Variants in EPHB1 observed in about 807,000 individuals in gnomAD.
EPHB1 encodes EPH receptor B1.
A neutral mutation model predicts 94.4 loss-of-function variants in EPHB1; 30 were observed. The ratio of observed to expected loss-of-function variants is 0.32; its 90% CI spans 0.24 to 0.43. The LOEUF is 0.43. Among genes scored for constraint, EPHB1 ranks in the 20% least tolerant of loss-of-function variants. The probability of loss-of-function intolerance (pLI) is 1.00; values close to 1 mark genes in which losing one functional copy is unlikely to be tolerated. For synonymous variants in EPHB1, 522 were observed against 489.1 expected (o/e 1.07, Z -0.89); for missense variants, 1,055 against 1,308.3 (o/e 0.81, Z 2.99).
At chr3:135,131,370 C>T (rs1940409037) in intron 4 of EPHB1, among the ~76,000 whole-genome samples, 1 of 152,208 alleles carries the variant, frequency 6.6e-6, no homozygotes, top group Non-Finnish European at 1.5e-5. Context: ...GTTATTCCCT[C>T]ATTTTTTGTG....
chr3:135,181,893 T>A (rs1023555174), intron 10 of EPHB1, among the ~76,000 whole-genome samples: 1 of 152,200 alleles, frequency 6.6e-6, no homozygotes, highest in Non-Finnish European at 1.5e-5. Flanking sequence ...TCTCCATGAC[T>A]CATGTGATAT....
At chr3:134,836,454 G>A (rs1327829403) in intron 1 of EPHB1, among the ~76,000 whole-genome samples, 1 of 152,118 alleles carries the variant, frequency 6.6e-6, no homozygotes, top group East Asian at 1.9e-4. Flanking sequence ...GCAAATTGAA[G>A]CAGATATTTA....
chr3:135,063,607 T>C (rs1434530275), intron 3 of EPHB1, among the ~76,000 whole-genome samples: 1 of 152,188 alleles, frequency 6.6e-6, no homozygotes, highest in Non-Finnish European at 1.5e-5. Context: ...TTCAGGGTTT[T>C]TGAGGTAAAT....
At chr3:134,811,242 G>GT (rs397966930) in intron 1 of EPHB1, among the ~76,000 whole-genome samples, 1,334 of 73,824 alleles carry the variant, frequency 0.018, 124 homozygotes, top group African/African-American at 0.028. Context: ...TACTAAGAAG[G>GT]TTTTTTTTTT....
At chr3:134,839,161 A>G (rs73229141) in intron 1 of EPHB1, among the ~76,000 whole-genome samples, 6,877 of 152,252 alleles carry the variant, frequency 0.045, 189 homozygotes, top group Middle Eastern at 0.068. Context: ...GGAAATCCAC[A>G]TGGTCAGGAT....
At chr3:135,157,625 G>T (rs1486086841) in intron 6 of EPHB1, among the ~76,000 whole-genome samples, 1 of 152,214 alleles carries the variant, frequency 6.6e-6, no homozygotes, top group Non-Finnish European at 1.5e-5. Context: ...AACAGAGAAG[G>T]TTCTTTGGGC....
At position 135,260,400 on chromosome 3, in the gene EPHB1, C is replaced by G; in HGVS notation, c.*1280C>G. 4.4e-6 allele frequency: 1 copy of G among 229,028 alleles called. No homozygotes were observed. Among genetic ancestry groups the G allele is most frequent in the Non-Finnish European group, 8.7e-6 (1 of 115,208 alleles). The allele number at this position is 229,028 out of a possible 1,614,324, so 14.2% of individuals were successfully genotyped here. A position where few individuals can be genotyped will look rare whatever the true frequency, so the allele number is the denominator to read the frequency against. On this transcript the variant is annotated 3_prime_UTR_variant, in exon 16 of 16. Transcript: ENST00000398015. ...AATTATTTTAAATTTCTCCTTTTAC[C>G]TTAATCTCCTTGCTAATTTTATCTG... is the stretch of plus-strand genomic sequence containing the variant.
At chr3:135,167,121 C>T in intron 9 of EPHB1, 115 bp downstream of exon 9, 1 of 1,249,766 alleles carries the variant, frequency 8.0e-7, no homozygotes, top group Non-Finnish European at 1.2e-6. Context: ...CAAGTTCTCT[C>T]TCAGCCCCCA....
Position 134,935,880 on chromosome 3 carries a change from T to G in EPHB1, c.123+10000T>G, listed in dbSNP as rs111780219. The stretch of plus-strand genomic sequence containing the variant: ...CACGATTAATTACATACCAACTGTG[T>G]GCCAGGCATCAAGCTTTACTTGTAT... On this transcript the variant is annotated intron_variant, in intron 2 of 15. Coordinates refer to ENST00000398015, the MANE Select transcript of EPHB1 (RefSeq NM_004441.5). Among the ~76,000 whole-genome samples, 1,376 of 152,328 alleles carry G rather than the reference T, an allele frequency of 9.0e-3. 26 individuals are homozygous for G. Among genetic ancestry groups the G allele is most frequent in the African/African-American group, 0.031 (1,299 of 41,562 alleles).
chr3:135,136,526 G>A (rs1192592706), intron 5 of EPHB1, among the ~76,000 whole-genome samples: 2 of 152,176 alleles, frequency 1.3e-5, no homozygotes, highest in Non-Finnish European at 2.9e-5. Flanking sequence ...TGGGTCAGAT[G>A]AAGAAACTTA....
intron 1 of EPHB1, among the ~76,000 whole-genome samples, chr3:134,844,711 TC>T (rs1050916289): frequency 5.3e-5 from 8 of 152,218 alleles, no homozygotes; most frequent in African/African-American, 1.9e-4. Context: ...CTATTCTTAC[TC>T]AAACTCCCGT....
At chr3:135,060,667 G>A (rs1044543787) in intron 3 of EPHB1, among the ~76,000 whole-genome samples, 3 of 151,976 alleles carry the variant, frequency 2.0e-5, no homozygotes, top group Non-Finnish European at 4.4e-5. Flanking sequence ...TGGGTACATA[G>A]TAGGTGTATT....
chr3:135,030,566 A>G (rs1338272556), intron 3 of EPHB1, among the ~76,000 whole-genome samples: 8 of 152,188 alleles, frequency 5.3e-5, no homozygotes, highest in Non-Finnish European at 5.9e-5. Context: ...CCACTTGAGG[A>G]GGCAGTCTGC....
intron 13 of EPHB1, among the ~76,000 whole-genome samples, chr3:135,242,520 C>T (rs1035938364): frequency 3.3e-5 from 5 of 152,138 alleles, no homozygotes; most frequent in Admixed American, 1.3e-4. Context: ...TGGGGTACTT[C>T]TATGACAGTA....
intron 3 of EPHB1, among the ~76,000 whole-genome samples, chr3:134,967,721 T>C (rs1271839930): frequency 6.6e-6 from 1 of 152,182 alleles, no homozygotes; most frequent in East Asian, 1.9e-4. Flanking sequence ...TCTTTATTAA[T>C]TACCTAGTCT....
intron 15 of EPHB1, among the ~76,000 whole-genome samples, chr3:135,253,203 G>A (rs1218803439): frequency 6.6e-6 from 1 of 150,564 alleles, no homozygotes; most frequent in Non-Finnish European, 1.5e-5. Flanking sequence ...CTGTGCAGAA[G>A]CTCTTGAGTT....
chr3:135,104,161 G>A (rs1321813698), intron 3 of EPHB1, among the ~76,000 whole-genome samples: 3 of 152,222 alleles, frequency 2.0e-5, no homozygotes, highest in Non-Finnish European at 4.4e-5. Context: ...GCACAGGCCT[G>A]GGATTTGTCT....
intron 3 of EPHB1, among the ~76,000 whole-genome samples, chr3:135,056,393 C>T (rs1559812499): frequency 6.6e-6 from 1 of 152,256 alleles, no homozygotes; most frequent in South Asian, 2.1e-4. Flanking sequence ...CCGTGCTGGG[C>T]TCTCTTGGGA....
At chr3:135,117,962 G>C (rs182596614) in intron 4 of EPHB1, among the ~76,000 whole-genome samples, 1 of 152,138 alleles carries the variant, frequency 6.6e-6, no homozygotes, top group Non-Finnish European at 1.5e-5. Flanking sequence ...GGGGTGGGGG[G>C]CAATGGTCAG....
Sources: allele counts gnomAD v4.1 joint callset (sites outside exome capture counted in the v4.1 genomes callset), GRCh38; gene constraint gnomAD v4.1.1; transcripts MANE v1.5; gene names NCBI Gene and HGNC (gene_info 2026-07-23, HGNC 2026-07-21).